HS3ST5: variants seen among roughly 807,000 people sequenced by gnomAD.
HS3ST5 encodes the protein heparan sulfate-glucosamine 3-sulfotransferase 5, also known as heparan sulfate glucosamine 3-O-sulfotransferase 5.
A neutral mutation model predicts 25.4 loss-of-function variants in HS3ST5; 10 were observed. The observed-to-expected ratio is 0.39, with a 90% confidence interval of 0.24 to 0.67. HS3ST5 has a LOEUF of 0.67. Ranked by LOEUF, HS3ST5 falls within the 30% of genes least tolerant of loss-of-function variation. The pLI is 0.44. For missense variants in HS3ST5, 324 were observed against 420.7 expected (o/e 0.77, Z 2.01); for synonymous variants, 170 against 162.4 (o/e 1.05, Z -0.36).
chr6:114,123,579 T>TCTC (rs1205589524), intron 3 of HS3ST5, among the ~76,000 whole-genome samples: 1 of 152,120 alleles, frequency 6.6e-6, no homozygotes, highest in African/African-American at 2.4e-5. Context: ...TAACATAAGG[T>TCTC]CTCCTTTCCA....
chr6:114,227,328 C>A (rs1771347669), intron 2 of HS3ST5, among the ~76,000 whole-genome samples: 1 of 150,772 alleles, frequency 6.6e-6, no homozygotes, highest in Non-Finnish European at 1.5e-5. Flanking sequence ...TACACAAAGA[C>A]TAATAGAGAC....
intron 2 of HS3ST5, among the ~76,000 whole-genome samples, chr6:114,202,164 TAA>T (rs1781049844): frequency 6.6e-6 from 1 of 152,152 alleles, no homozygotes; most frequent in East Asian, 1.9e-4. Flanking sequence ...GTCACACCTG[TAA>T]TCCTAGCACT....
At chr6:114,226,780 C>T (rs1362481077) in intron 2 of HS3ST5, among the ~76,000 whole-genome samples, 1 of 151,906 alleles carries the variant, frequency 6.6e-6, no homozygotes, top group Non-Finnish European at 1.5e-5. Flanking sequence ...GAAACTGCAA[C>T]TTAAAAACAT....
chr6:114,079,762 ATTTCT>A (rs765701008), intron 3 of HS3ST5, among the ~76,000 whole-genome samples: 1 of 151,918 alleles, frequency 6.6e-6, no homozygotes, highest in South Asian at 2.1e-4. Context: ...TATGAAATAT[ATTTCT>A]TTTCTTTTCT....
chr6:114,215,232 G>T (rs1233022573), intron 2 of HS3ST5, among the ~76,000 whole-genome samples: 1 of 152,132 alleles, frequency 6.6e-6, no homozygotes, highest in Non-Finnish European at 1.5e-5. Context: ...CATGAATCCG[G>T]GAGGCGGAGC....
intron 3 of HS3ST5, among the ~76,000 whole-genome samples, chr6:114,071,830 T>C (rs1053675866): frequency 5.3e-5 from 8 of 152,238 alleles, no homozygotes; most frequent in African/African-American, 1.9e-4. Context: ...TGTTAATGTT[T>C]TTCCATATTT....
chr6:114,238,459 A>AT (rs372241704), intron 1 of HS3ST5, among the ~76,000 whole-genome samples: 1 of 152,120 alleles, frequency 6.6e-6, no homozygotes, highest in Non-Finnish European at 1.5e-5. Flanking sequence ...GGAAAAAAAT[A>AT]TTTTTTGTGT....
At chr6:114,218,066 C>T (rs1007830173) in intron 2 of HS3ST5, among the ~76,000 whole-genome samples, 24 of 152,230 alleles carry the variant, frequency 1.6e-4, no homozygotes, top group African/African-American at 5.5e-4. Flanking sequence ...GGCATGATCT[C>T]GGCTCACCGC....
intron 3 of HS3ST5, among the ~76,000 whole-genome samples, chr6:114,102,902 T>G (rs925301922): frequency 6.6e-6 from 1 of 152,088 alleles, no homozygotes; most frequent in Admixed American, 6.5e-5. Flanking sequence ...CAAATAAAAA[T>G]TTTTCTTCAG....
chr6:114,082,770 A>ATT (rs1562189182), intron 3 of HS3ST5, among the ~76,000 whole-genome samples: 1 of 152,150 alleles, frequency 6.6e-6, no homozygotes, highest in Non-Finnish European at 1.5e-5. Context: ...TACCTGCTCC[A>ATT]CCCTGACTCA....
chr6:114,105,161 A>C (rs1380630974), intron 3 of HS3ST5, among the ~76,000 whole-genome samples: 1 of 152,230 alleles, frequency 6.6e-6, no homozygotes, highest in Non-Finnish European at 1.5e-5. Context: ...GGAAAAATAC[A>C]TTAGGAAAAA....
chr6:114,289,097 C>A (rs1004606984), intron 1 of HS3ST5, among the ~76,000 whole-genome samples: 6 of 152,020 alleles, frequency 3.9e-5, no homozygotes, highest in African/African-American at 1.4e-4. Context: ...ATATATTTAA[C>A]CATTTACTGC....
intron 2 of HS3ST5, among the ~76,000 whole-genome samples, chr6:114,188,011 A>G (rs561937429): frequency 2.6e-4 from 40 of 152,212 alleles, no homozygotes; most frequent in South Asian, 8.3e-4. Context: ...TTACACATTC[A>G]ATAGACCATG....
chr6:114,122,142 CT>C, intron 3 of HS3ST5, among the ~76,000 whole-genome samples: 1 of 152,306 alleles, frequency 6.6e-6, no homozygotes, highest in African/African-American at 2.4e-5. Context: ...TGTCACTCTG[CT>C]TAGCCAGCCT....
At chr6:114,115,602 A>C (rs1211084635) in intron 3 of HS3ST5, among the ~76,000 whole-genome samples, 1 of 152,092 alleles carries the variant, frequency 6.6e-6, no homozygotes, top group Non-Finnish European at 1.5e-5. Context: ...ATCCCTCCAC[A>C]AATGCAAAAA....
intron 1 of HS3ST5, among the ~76,000 whole-genome samples, chr6:114,250,335 A>G (rs1772595125): frequency 6.6e-6 from 1 of 152,226 alleles, no homozygotes; most frequent in Non-Finnish European, 1.5e-5. Context: ...TAATCCCAGC[A>G]CTTTGGGAGG....
chr6:114,087,062 G>A (rs1474511060), intron 3 of HS3ST5, among the ~76,000 whole-genome samples: 1 of 152,042 alleles, frequency 6.6e-6, no homozygotes, highest in Non-Finnish European at 1.5e-5. Context: ...GCTCACCTGT[G>A]GGCTCTGGAA....
intron 2 of HS3ST5, among the ~76,000 whole-genome samples, chr6:114,213,712 C>T (rs563462301): frequency 6.6e-6 from 1 of 152,250 alleles, no homozygotes; most frequent in East Asian, 1.9e-4. Context: ...CAAGGTAAAA[C>T]ACGTGCAGGG....
intron 1 of HS3ST5, among the ~76,000 whole-genome samples, chr6:114,242,966 A>C (rs1047764127): frequency 6.6e-6 from 1 of 152,194 alleles, no homozygotes; most frequent in African/African-American, 2.4e-5. Context: ...GATGTAACCA[A>C]AGGCTTGGGC....
Sources: gnomAD v4.1 joint callset for allele counts (sites outside exome capture counted in the v4.1 genomes callset) on GRCh38, gnomAD v4.1.1 for gene constraint, MANE v1.5 for transcripts, NCBI Gene and HGNC (gene_info 2026-07-23, HGNC 2026-07-21) for gene names.